PCCA: variants seen among roughly 807,000 people sequenced by gnomAD.
PCCA encodes the protein propionyl-CoA carboxylase alpha chain, mitochondrial.
In PCCA, 74 loss-of-function variants were observed where a neutral mutation model predicts 101.3. The ratio of observed to expected loss-of-function variants is 0.73; its 90% CI spans 0.61 to 0.89. PCCA has a LOEUF of 0.89. PCCA is among the 40% of genes least tolerant of loss of function. PCCA has a pLI of 0.00. For synonymous variants in PCCA, 294 were observed against 313.6 expected (o/e 0.94, Z 0.66); for missense variants, 891 against 907.0 (o/e 0.98, Z 0.23).
chr13:100,478,672 G>A (rs942440472), intron 21 of PCCA, among the ~76,000 whole-genome samples: 2 of 152,124 alleles, frequency 1.3e-5, no homozygotes, highest in African/African-American at 4.8e-5. Flanking sequence ...GTACTGTAGC[G>A]GCCTCAGGAG....
intron 21 of PCCA, among the ~76,000 whole-genome samples, chr13:100,460,738 A>G (rs2082113382): frequency 6.6e-6 from 1 of 152,232 alleles, no homozygotes; most frequent in Admixed American, 6.5e-5. Context: ...CCCTTGATAC[A>G]CCAGCACAAT....
intron 1 of PCCA, among the ~76,000 whole-genome samples, chr13:100,102,588 C>G (rs1361753075): frequency 2.0e-5 from 3 of 152,178 alleles, no homozygotes; most frequent in Non-Finnish European, 4.4e-5. Flanking sequence ...ATTTCTGACC[C>G]TGCTCTATCC....
At chr13:100,143,701 A>G (rs2052192652) in intron 4 of PCCA, among the ~76,000 whole-genome samples, 1 of 151,964 alleles carries the variant, frequency 6.6e-6, no homozygotes, top group South Asian at 2.1e-4. Flanking sequence ...AAGAATATTT[A>G]TTTTTGAAGA....
intron 19 of PCCA, among the ~76,000 whole-genome samples, chr13:100,402,160 A>G (rs986572374): frequency 6.6e-6 from 1 of 152,166 alleles, no homozygotes; most frequent in Non-Finnish European, 1.5e-5. Flanking sequence ...AACCATTATA[A>G]TACTTTATAG....
intron 21 of PCCA, among the ~76,000 whole-genome samples, chr13:100,513,187 G>A (rs1401039353): frequency 2.0e-5 from 3 of 152,206 alleles, no homozygotes; most frequent in Non-Finnish European, 4.4e-5. Flanking sequence ...CACGGGCTCA[G>A]GACAACATCA....
At position 100,447,159 on chromosome 13, in the gene PCCA, C is replaced by T. The variant is rs184780444; in HGVS notation, c.1846-2093C>T. Among the ~76,000 whole-genome samples, 5 of 151,688 alleles carry T rather than the reference C, an allele frequency of 3.3e-5. No homozygotes were observed. In the East Asian group the frequency reaches 7.8e-4, roughly 24 times the overall value. ...CCAGCGCTTTGGGAGGTTGAGGGAGCGGGTTATGAGGTCAGGAGTTCGAGA... is the reference window on the plus strand; with the variant it reads ...CCAGCGCTTTGGGAGGTTGAGGGAGTGGGTTATGAGGTCAGGAGTTCGAGA... On this transcript the variant is annotated intron_variant, in intron 20 of 23. Coordinates refer to ENST00000376285, the MANE Select transcript of PCCA (RefSeq NM_000282.4).
chr13:100,089,717 A>G (rs1046098888), intron 1 of PCCA, among the ~76,000 whole-genome samples: 12 of 152,214 alleles, frequency 7.9e-5, no homozygotes, highest in Non-Finnish European at 2.9e-5. Context: ...ATACCATGTC[A>G]GGACTGCCAA....
intron 12 of PCCA, among the ~76,000 whole-genome samples, chr13:100,292,973 G>A (rs1202186464): frequency 7.0e-6 from 1 of 142,364 alleles, no homozygotes; most frequent in Non-Finnish European, 1.5e-5. Flanking sequence ...GTTTGTGTGT[G>A]TGTAATTAAT....
At chr13:100,429,279 G>A (rs946773343) in intron 20 of PCCA, among the ~76,000 whole-genome samples, 36 of 151,814 alleles carry the variant, frequency 2.4e-4, no homozygotes, top group Non-Finnish European at 5.0e-4. Context: ...AAGAGTTCCA[G>A]CTTAACACCT....
At chr13:100,285,764 T>C (rs967416299) in intron 12 of PCCA, among the ~76,000 whole-genome samples, 8 of 152,190 alleles carry the variant, frequency 5.3e-5, no homozygotes, top group African/African-American at 1.9e-4. Flanking sequence ...AGTCCAGACT[T>C]ATGCTGCCCG....
chr13:100,465,597 G>T (rs572523648), intron 21 of PCCA, among the ~76,000 whole-genome samples: 1 of 152,314 alleles, frequency 6.6e-6, no homozygotes, highest in East Asian at 1.9e-4. Flanking sequence ...AGTGTTATCT[G>T]TTTGGGCAGT....
chr13:100,477,049 T>C (rs1241361240), intron 21 of PCCA, among the ~76,000 whole-genome samples: 1 of 152,226 alleles, frequency 6.6e-6, no homozygotes, highest in East Asian at 1.9e-4. Context: ...CATCTGTTTA[T>C]ATACAAAAGG....
At chr13:100,346,869 T>C (rs576744297) in intron 18 of PCCA, among the ~76,000 whole-genome samples, 1 of 152,222 alleles carries the variant, frequency 6.6e-6, no homozygotes, top group African/African-American at 2.4e-5. Flanking sequence ...AGCATTTTTT[T>C]AGTAATAAAG....
chr13:100,180,053 T>C (rs1484962271), intron 6 of PCCA, among the ~76,000 whole-genome samples: 1 of 152,106 alleles, frequency 6.6e-6, no homozygotes, highest in African/African-American at 2.4e-5. Context: ...GTTAGGGTCA[T>C]TCTAAGAAGC....
intron 7 of PCCA, among the ~76,000 whole-genome samples, chr13:100,220,320 CGCAATCTTGGCTAACT>C (rs972839442): frequency 7.9e-4 from 120 of 152,032 alleles, no homozygotes; most frequent in African/African-American, 2.8e-3. Flanking sequence ...AGTGCAGTGG[CGCAATCTTGGCTAACT>C]GCAACCTCCA....
At chr13:100,474,302 C>T (rs893420004) in intron 21 of PCCA, among the ~76,000 whole-genome samples, 3 of 152,040 alleles carry the variant, frequency 2.0e-5, no homozygotes, top group African/African-American at 4.8e-5. Context: ...TTTATGTATC[C>T]GAAAGTTATT....
intron 12 of PCCA, among the ~76,000 whole-genome samples, chr13:100,288,584 C>T (rs145744358): frequency 5.8e-4 from 88 of 152,322 alleles, no homozygotes; most frequent in South Asian, 1.2e-3. Context: ...CCCGGCGATA[C>T]ATTGTTTTTA....
Position 100,417,879 on chromosome 13 carries a change from G to A in PCCA, c.1747-7754G>A, listed in dbSNP as rs138734419. ...AGGAGGTGGGATTACTTTCCTCCTT[G>A]TGTCATTCAGGACGACTGCTCCGCT... On this transcript the variant is annotated intron_variant, in intron 19 of 23. Coordinates refer to ENST00000376285, the MANE Select transcript of PCCA (RefSeq NM_000282.4). Among the ~76,000 whole-genome samples, 78 of 152,098 alleles carry A rather than the reference G, an allele frequency of 5.1e-4. 1 individual carries two copies. The highest frequency in any genetic ancestry group is 1.8e-3 in the African/African-American group (74 of 41,482).
At chr13:100,407,778 T>C (rs549805173) in intron 19 of PCCA, among the ~76,000 whole-genome samples, 2 of 152,360 alleles carry the variant, frequency 1.3e-5, no homozygotes, top group South Asian at 2.1e-4. Context: ...TTACTGTTCT[T>C]ACATACCTTG....
Sources: gnomAD v4.1 joint callset for allele counts (sites outside exome capture counted in the v4.1 genomes callset) on GRCh38, gnomAD v4.1.1 for gene constraint, MANE v1.5 for transcripts, NCBI Gene and HGNC (gene_info 2026-07-23, HGNC 2026-07-21) for gene names.